Variants in DOCK1 observed in about 807,000 individuals in gnomAD.
DOCK1 encodes the protein dedicator of cytokinesis 1, also known as dedicator of cytokinesis protein 1.
DOCK1 carries 138 observed loss-of-function variants against 262.7 expected under a neutral mutation model. That is an observed-to-expected ratio of 0.53 (90% confidence interval 0.46 to 0.61). The LOEUF is 0.61. Ranked by LOEUF, DOCK1 falls within the 20% of genes least tolerant of loss-of-function variation. The pLI, the probability that DOCK1 is intolerant of heterozygous loss-of-function variation, is 0.00. For synonymous variants in DOCK1, 866 were observed against 867.4 expected (o/e 1.00, Z 0.03); for missense variants, 1,908 against 2,370.7 (o/e 0.80, Z 4.05).
intron 1 of DOCK1, among the ~76,000 whole-genome samples, chr10:126,963,640 C>CTTCCCTTCCCTTCCCTCCTTCCT (rs1478977215): frequency 1.5e-5 from 1 of 65,098 alleles, no homozygotes; most frequent in African/African-American, 6.7e-5. Context: ...CTTCCCTTCC[C>CTTCCCTTCCCTTCCCTCCTTCCT]TCCTTCCTTC....
intron 29 of DOCK1, among the ~76,000 whole-genome samples, chr10:127,278,752 AT>A (rs1308489794): frequency 6.6e-6 from 1 of 152,222 alleles, no homozygotes; most frequent in Non-Finnish European, 1.5e-5. Flanking sequence ...GCAAAATGTA[AT>A]CACCATTGTT....
chr10:126,930,759 C>T (rs1426557390), intron 1 of DOCK1, among the ~76,000 whole-genome samples: 1 of 152,202 alleles, frequency 6.6e-6, no homozygotes, highest in Non-Finnish European at 1.5e-5. Flanking sequence ...GCCTGTGCTG[C>T]CCCGATTGCA....
chr10:127,342,764 G>A (rs897770519), intron 30 of DOCK1, among the ~76,000 whole-genome samples: 3 of 139,866 alleles, frequency 2.1e-5, no homozygotes, highest in Non-Finnish European at 3.2e-5. Context: ...TCTAAAGGCC[G>A]TTGTCTTTTA....
At chr10:127,160,454 C>G (rs1056452572) in intron 27 of DOCK1, among the ~76,000 whole-genome samples, 16 of 152,170 alleles carry the variant, frequency 1.1e-4, no homozygotes, top group African/African-American at 3.6e-4. Context: ...GGGCCCCTCC[C>G]TGGAAGATGT....
chr10:127,226,915 G>A (rs1012236172), intron 27 of DOCK1, among the ~76,000 whole-genome samples: 3 of 152,068 alleles, frequency 2.0e-5, no homozygotes, highest in Admixed American at 1.3e-4. Flanking sequence ...AAGTCACCCC[G>A]TCATGGCTCT....
At chr10:127,200,178 AAG>A (rs2057388391) in intron 27 of DOCK1, among the ~76,000 whole-genome samples, 2 of 152,202 alleles carry the variant, frequency 1.3e-5, no homozygotes. Context: ...TCACACAAGA[AAG>A]AACACAGGGC....
chr10:127,332,160 G>A lies in DOCK1; in HGVS notation c.3045-6846G>A, dbSNP rs889307511. Reference sequence around the variant, plus strand: ...ATTAGGCATCAGACTGGTAGACAAGGGCCCAGTAATCTCGGCTCATGGAGA... The same window carrying A: ...ATTAGGCATCAGACTGGTAGACAAGAGCCCAGTAATCTCGGCTCATGGAGA... On this transcript the variant is annotated intron_variant, in intron 29 of 51. Transcript: ENST00000623213. Among the ~76,000 whole-genome samples the A allele has an allele frequency of 3.9e-5, 6 of 152,190 alleles. 1 individual carries two copies. The highest frequency in any genetic ancestry group is 6.5e-5 in the Admixed American group (1 of 15,280).
At position 127,414,150 on chromosome 10, in the gene DOCK1, A is replaced by G. The variant is rs560225387; in HGVS notation, c.4429-1002A>G. 2.9e-3 allele frequency among the ~76,000 whole-genome samples: 439 copies of G among 152,200 alleles called. 1 individual carries two copies. The highest frequency in any genetic ancestry group is 0.01 in the African/African-American group (418 of 41,530). On this transcript the variant is annotated intron_variant, in intron 43 of 51. Coordinates refer to ENST00000623213, the MANE Select transcript of DOCK1 (RefSeq NM_001290223.2). ...TGGTCTCGAAGTCCTGAGCTCAGGCAATCTGCCCGCCCTGGCCTCCCAAAG... is the reference window on the plus strand; with the variant it reads ...TGGTCTCGAAGTCCTGAGCTCAGGCGATCTGCCCGCCCTGGCCTCCCAAAG...
chr10:127,293,833 C>T (rs752896229), intron 29 of DOCK1, among the ~76,000 whole-genome samples: 1 of 152,226 alleles, frequency 6.6e-6, no homozygotes, highest in African/African-American at 2.4e-5. Flanking sequence ...AAAGAAAAGA[C>T]TCTTCATTGT....
At chr10:127,347,378 C>T (rs1207820225) in intron 31 of DOCK1, among the ~76,000 whole-genome samples, 2 of 152,186 alleles carry the variant, frequency 1.3e-5, no homozygotes, top group African/African-American at 4.8e-5. Flanking sequence ...TGACGGAGGG[C>T]CTTGGCAGCC....
At chr10:127,374,796 G>A (rs564547596) in intron 35 of DOCK1, among the ~76,000 whole-genome samples, 1 of 152,256 alleles carries the variant, frequency 6.6e-6, no homozygotes, top group African/African-American at 2.4e-5. Context: ...GAGATTGGAG[G>A]GACCCAGTCT....
intron 6 of DOCK1, among the ~76,000 whole-genome samples, chr10:126,991,666 A>G (rs1240048535): frequency 1.3e-5 from 2 of 151,960 alleles, no homozygotes; most frequent in African/African-American, 2.4e-5. Flanking sequence ...AATAGCTGGG[A>G]TTATAGGCAT....
chr10:127,411,707 G>A (rs1330224999), intron 43 of DOCK1, among the ~76,000 whole-genome samples: 2 of 152,014 alleles, frequency 1.3e-5, no homozygotes, highest in Admixed American at 6.5e-5. Flanking sequence ...GGGCGTGGTG[G>A]TGCACGCCTG....
chr10:127,376,164 C>A (rs1180641014), intron 35 of DOCK1, among the ~76,000 whole-genome samples: 1 of 152,172 alleles, frequency 6.6e-6, no homozygotes, highest in Non-Finnish European at 1.5e-5. Flanking sequence ...GATGAATATC[C>A]TAAGGGCTCT....
chr10:127,427,181 C>T (rs990908332), intron 47 of DOCK1, among the ~76,000 whole-genome samples: 5 of 152,182 alleles, frequency 3.3e-5, no homozygotes, highest in Non-Finnish European at 5.9e-5. Flanking sequence ...CCATGCCTGC[C>T]GGCACTGAGG....
intron 23 of DOCK1, among the ~76,000 whole-genome samples, chr10:127,073,025 G>A (rs962650403): frequency 3.3e-5 from 5 of 152,130 alleles, no homozygotes; most frequent in South Asian, 4.1e-4. Context: ...GCCTGCAAAC[G>A]CTCATCTGCA....
At chr10:127,266,458 AAC>A (rs766227778) in intron 29 of DOCK1, among the ~76,000 whole-genome samples, 6 of 148,406 alleles carry the variant, frequency 4.0e-5, no homozygotes, top group Non-Finnish European at 7.4e-5. Flanking sequence ...TTGACAGCAA[AAC>A]ACAACTAGCT....
chr10:127,173,544 G>C (rs1247844079), intron 27 of DOCK1, among the ~76,000 whole-genome samples: 1 of 152,202 alleles, frequency 6.6e-6, no homozygotes, highest in African/African-American at 2.4e-5. Flanking sequence ...ACTCCTGTGA[G>C]TATGCACATT....
chr10:127,012,934 A>G lies in DOCK1; in HGVS notation c.1201+560A>G, dbSNP rs2041579612. Among the ~76,000 whole-genome samples, 1 of 152,176 alleles carries G rather than the reference A, an allele frequency of 6.6e-6. No individual in the cohort carries two copies. The highest frequency in any genetic ancestry group is 1.5e-5 in the Non-Finnish European group (1 of 68,026). ...GGAGGGCTGCCAGGAAACAACTGTG[A>G]CTGAGGCCCCGCCTCCAGCCCAAGG... On this transcript the variant is annotated intron_variant, in intron 12 of 51. Transcript: ENST00000623213. The surrounding 1 kb of genome is among the most constrained non-coding windows in gnomAD (Gnocchi z 4.0).
Sources: gnomAD v4.1 joint callset for allele counts (sites outside exome capture counted in the v4.1 genomes callset) on GRCh38, gnomAD v4.1.1 for gene constraint, Gnocchi (gnomAD v3.1) non-coding constraint, MANE v1.5 for transcripts, NCBI Gene and HGNC (gene_info 2026-07-23, HGNC 2026-07-21) for gene names.